The following NEXMIF variants were observed in gnomAD, a reference collection of about 807,000 sequenced individuals.
NEXMIF encodes XLMR protein related to neurite extension.
Under a neutral mutation model 62.1 loss-of-function variants are expected in NEXMIF, and 8 were observed. The observed-to-expected ratio is 0.13, with a 90% CI of 0.08 to 0.23. NEXMIF has a LOEUF of 0.23. Among genes scored for constraint, NEXMIF ranks in the 10% least tolerant of loss-of-function variants. The probability of loss-of-function intolerance (pLI) is 1.00; values close to 1 mark genes in which losing one functional copy is unlikely to be tolerated. For synonymous variants in NEXMIF, 404 were observed against 416.6 expected (o/e 0.97, Z 0.37); for missense variants, 976 against 1,113.3 (o/e 0.88, Z 1.75).
chrX:74,770,680 T>G (rs2080207419), intron 1 of NEXMIF, among the ~76,000 whole-genome samples: 1 of 112,133 alleles, frequency 8.9e-6, no homozygotes, highest in African/African-American at 3.2e-5. Context: ...TTTTCCCATG[T>G]TTGTTCTTTA....
intron 1 of NEXMIF, among the ~76,000 whole-genome samples, chrX:74,827,971 T>A (rs921054100): frequency 3.6e-5 from 4 of 111,967 alleles, no homozygotes; most frequent in Middle Eastern, 9.2e-3. Context: ...AATTGGTGCA[T>A]ATAGTTTCCT....
At chrX:74,788,442 C>G (rs1414490173) in intron 1 of NEXMIF, among the ~76,000 whole-genome samples, 1 of 111,345 alleles carries the variant, frequency 9.0e-6, no homozygotes, top group Non-Finnish European at 1.9e-5. Flanking sequence ...TCTCTGACAA[C>G]AGCCCTGTGA....
chrX:74,848,921 A>G (rs1217965123), intron 1 of NEXMIF, among the ~76,000 whole-genome samples: 2 of 112,073 alleles, frequency 1.8e-5, no homozygotes, highest in African/African-American at 6.5e-5. Flanking sequence ...CCAGGAAGTG[A>G]GCCCTCACCA....
chrX:74,890,485 T>C (rs773215539), intron 1 of NEXMIF, among the ~76,000 whole-genome samples: 4 of 110,438 alleles, frequency 3.6e-5, no homozygotes, highest in Non-Finnish European at 7.6e-5. Context: ...TAGACAAAAA[T>C]AAAAAAACTT....
At chrX:74,878,580 C>A (rs1027366871) in intron 1 of NEXMIF, among the ~76,000 whole-genome samples, 16 of 112,791 alleles carry the variant, frequency 1.4e-4, no homozygotes, top group African/African-American at 4.2e-4. Flanking sequence ...AGGCGCCCCT[C>A]CCCCAGCCTC....
rs2080173803 is a variant in NEXMIF, at chrX:74,760,878, ATTTATTT to A, written c.-47-15188_-47-15182del. Among the ~76,000 whole-genome samples, 11 of 106,134 alleles carry A rather than the reference ATTTATTT, an allele frequency of 1.0e-4. No homozygotes were observed. The South Asian group carries it at 4.6e-3, about 44-fold the overall frequency. 92.2% of individuals were successfully genotyped at this position (106,134 alleles called of 115,157 possible). On this transcript the variant is annotated intron_variant, in intron 1 of 3. Coordinates refer to ENST00000055682, the MANE Select transcript of NEXMIF (RefSeq NM_001008537.3). ...TATTTATTTATTTATTTATTTATTT[ATTTATTT>A]AAGATGGAGTCTCACTCTGTTGCCC...
intron 1 of NEXMIF, among the ~76,000 whole-genome samples, chrX:74,911,653 CT>C (rs1227560441): frequency 1.8e-5 from 2 of 112,401 alleles, no homozygotes; most frequent in African/African-American, 6.5e-5. Context: ...GAAACTGCTT[CT>C]TTCTCAAATG....
chrX:74,861,606 T>A (rs894811948), intron 1 of NEXMIF, among the ~76,000 whole-genome samples: 3 of 111,426 alleles, frequency 2.7e-5, no homozygotes, highest in Non-Finnish European at 5.7e-5. Flanking sequence ...AAAGGCCATG[T>A]CACCTACAAA....
chrX:74,794,060 T>G (rs1267501836), intron 1 of NEXMIF, among the ~76,000 whole-genome samples: 1 of 93,312 alleles, frequency 1.1e-5, no homozygotes, highest in African/African-American at 3.8e-5. Context: ...CTCTGCATTT[T>G]AGAGTTTCCA....
chrX:74,780,473 C>T (rs73625822), intron 1 of NEXMIF, among the ~76,000 whole-genome samples: 1 of 108,597 alleles, frequency 9.2e-6, no homozygotes, highest in African/African-American at 3.4e-5. Context: ...CTCCTGGGCT[C>T]AAGCAATCCT....
intron 2 of NEXMIF, among the ~76,000 whole-genome samples, chrX:74,744,930 CCTCT>C (rs749595584): frequency 3.5e-5 from 3 of 86,571 alleles, no homozygotes; most frequent in Admixed American, 1.4e-4. Flanking sequence ...TTCTCTCTCT[CCTCT>C]CTCTCTCTCT....
intron 1 of NEXMIF, among the ~76,000 whole-genome samples, chrX:74,876,202 G>A (rs1219374170): frequency 1.3e-4 from 14 of 110,874 alleles, no homozygotes; most frequent in African/African-American, 2.3e-4. Context: ...CTTTGTTCTC[G>A]TTGGTTTCAA....
At chrX:74,815,124 T>C (rs1569348460) in intron 1 of NEXMIF, among the ~76,000 whole-genome samples, 1 of 112,563 alleles carries the variant, frequency 8.9e-6, no homozygotes, top group Non-Finnish European at 1.9e-5. Context: ...AAAGTAGTGA[T>C]TTATATTTTA....
intron 1 of NEXMIF, among the ~76,000 whole-genome samples, chrX:74,767,088 C>T (rs761248846): frequency 8.9e-6 from 1 of 112,476 alleles, no homozygotes; most frequent in East Asian, 2.8e-4. Flanking sequence ...GGCTGCAAGA[C>T]AGCAAAGAGG....
chrX:74,786,882 C>A (rs1161911352), intron 1 of NEXMIF, among the ~76,000 whole-genome samples: 3 of 111,109 alleles, frequency 2.7e-5, no homozygotes, highest in African/African-American at 9.8e-5. Flanking sequence ...CACACACACA[C>A]CCCTATCACT....
chrX:74,861,762 A>G (rs1412711965), intron 1 of NEXMIF, among the ~76,000 whole-genome samples: 1 of 111,735 alleles, frequency 8.9e-6, no homozygotes, highest in Non-Finnish European at 1.9e-5. Flanking sequence ...ATAAGTGAAG[A>G]AGAAATAAAG....
At chrX:74,884,629 C>A (rs1284606675) in intron 1 of NEXMIF, among the ~76,000 whole-genome samples, 1 of 111,681 alleles carries the variant, frequency 9.0e-6, no homozygotes, top group African/African-American at 3.3e-5. Context: ...AATACAGGAG[C>A]ACCCAGATTC....
chrX:74,884,340 A>C (rs1383095813), intron 1 of NEXMIF, among the ~76,000 whole-genome samples: 7 of 111,664 alleles, frequency 6.3e-5, no homozygotes, highest in African/African-American at 2.0e-4. Context: ...AATTAAAAGG[A>C]ACAGACTGGC....
intron 1 of NEXMIF, among the ~76,000 whole-genome samples, chrX:74,866,917 A>C (rs2080581807): frequency 8.9e-6 from 1 of 112,389 alleles, no homozygotes; most frequent in Non-Finnish European, 1.9e-5. Flanking sequence ...TTATAGCAGC[A>C]TGAGAAAGGA....
Sources: allele counts gnomAD v4.1 joint callset (sites outside exome capture counted in the v4.1 genomes callset), GRCh38; gene constraint gnomAD v4.1.1; transcripts MANE v1.5; gene names NCBI Gene and HGNC (gene_info 2026-07-23, HGNC 2026-07-21).